KANSL1L: variants seen among roughly 807,000 people sequenced by gnomAD.
KANSL1L encodes the protein KAT8 regulatory NSL complex subunit 1-like protein.
Under a neutral mutation model 108.6 loss-of-function variants are expected in KANSL1L, and 25 were observed. That is an observed-to-expected ratio of 0.23 (90% CI 0.17 to 0.32). The LOEUF is 0.32. KANSL1L is among the 10% of genes least tolerant of loss of function. The pLI, the probability that KANSL1L is intolerant of heterozygous loss-of-function variation, is 1.00. For missense variants in KANSL1L, 1,137 were observed against 1,125.7 expected, an observed-to-expected ratio of 1.01 and a Z score of -0.14; for synonymous variants, 405 against 395.1, an observed-to-expected ratio of 1.03 and a Z score of -0.30.
chr2:210,028,073 C>T (rs1400948461), intron 11 of KANSL1L, among the ~76,000 whole-genome samples: 4 of 152,186 alleles, frequency 2.6e-5, no homozygotes, highest in Non-Finnish European at 4.4e-5. Context: ...TCTTAAGAAG[C>T]TGCATTCATG....
chr2:210,101,926 G>C (rs989433234), intron 4 of KANSL1L, among the ~76,000 whole-genome samples: 1 of 152,172 alleles, frequency 6.6e-6, no homozygotes, highest in African/African-American at 2.4e-5. Context: ...TAATTTCCCA[G>C]AGGAACAATG....
At chr2:210,039,021 G>A (rs968878260) in intron 8 of KANSL1L, among the ~76,000 whole-genome samples, 42 of 151,842 alleles carry the variant, frequency 2.8e-4, no homozygotes, top group African/African-American at 1.0e-3. Flanking sequence ...ACCACCTTCT[G>A]TCTCTAGGCT....
chr2:210,072,798 C>A (rs2094516857), intron 6 of KANSL1L, among the ~76,000 whole-genome samples: 1 of 152,060 alleles, frequency 6.6e-6, no homozygotes, highest in South Asian at 2.1e-4. Flanking sequence ...ACTGGGGACC[C>A]CTGCTTTAAG....
intron 2 of KANSL1L, among the ~76,000 whole-genome samples, chr2:210,136,798 A>G (rs931879372): frequency 1.3e-5 from 2 of 152,340 alleles, no homozygotes; most frequent in Middle Eastern, 3.4e-3. Flanking sequence ...TAGGATAAAA[A>G]TTAAAACTAC....
intron 3 of KANSL1L, among the ~76,000 whole-genome samples, chr2:210,111,707 T>C (rs1413417848): frequency 6.6e-6 from 1 of 152,118 alleles, no homozygotes; most frequent in Non-Finnish European, 1.5e-5. Flanking sequence ...ACATCTTTTT[T>C]TTTCTTTTTT....
intron 2 of KANSL1L, among the ~76,000 whole-genome samples, chr2:210,135,821 A>C (rs2095168481): frequency 6.6e-6 from 1 of 152,182 alleles, no homozygotes; most frequent in Non-Finnish European, 1.5e-5. Context: ...AAAATATTTC[A>C]TGCTATTAGG....
rs1175398704 is a variant in KANSL1L, at chr2:210,022,902, C to A, written c.*47G>T. 1 of 1,315,874 alleles carries A rather than the reference C, an allele frequency of 7.6e-7. No homozygotes were observed. Among genetic ancestry groups the A allele is most frequent in the Admixed American group, 1.7e-5 (1 of 57,494 alleles). The allele number at this position is 1,315,874 out of a possible 1,614,324, so 81.5% of individuals were successfully genotyped here. A position where few individuals can be genotyped will look rare whatever the true frequency, so the allele number is the denominator to read the frequency against. On this transcript the variant is annotated 3_prime_UTR_variant, in exon 15 of 15. Transcript: ENST00000281772. ...GGGGATCCAGAACAGGGCTTTATTT[C>A]CTCCCATCTTTCCTACATTTACATA...
chr2:210,029,722 T>A, intron 10 of KANSL1L, 81 bp downstream of exon 10: 1 of 696,062 alleles, frequency 1.4e-6, no homozygotes, highest in Non-Finnish European at 2.5e-6. Context: ...TGTTATAGAT[T>A]AGCAAAATAT....
At chr2:210,141,764 G>C (rs1024694439) in intron 2 of KANSL1L, among the ~76,000 whole-genome samples, 1 of 152,138 alleles carries the variant, frequency 6.6e-6, no homozygotes, top group Non-Finnish European at 1.5e-5. Context: ...CTAATCTGTT[G>C]AGAGTCTGAA....
At chr2:210,160,023 G>A (rs1269319206) in intron 1 of KANSL1L, among the ~76,000 whole-genome samples, 3 of 152,154 alleles carry the variant, frequency 2.0e-5, no homozygotes, top group African/African-American at 4.8e-5. Flanking sequence ...GTGACAGAGC[G>A]AGACTCCGTC....
Position 210,031,441 on chromosome 2 carries a change from T to C in KANSL1L, c.2135A>G (p.His712Arg). 6.2e-7 allele frequency: 1 copy of C among 1,600,812 alleles called. No homozygotes were observed. Among genetic ancestry groups the C allele is most frequent in the Non-Finnish European group, 8.6e-7 (1 of 1,169,554 alleles). ...CCTACCTAATGCTGTTTCACTCAAATGTCTTTTCTTTCTTCCCTGTAACAG... is the reference window on the plus strand; with the variant it reads ...CCTACCTAATGCTGTTTCACTCAAACGTCTTTTCTTTCTTCCCTGTAACAG... Reference protein sequence around the residue: ...AQLLQGRKKRHLSETALGERT... With the variant: ...AQLLQGRKKRRLSETALGERT... The change falls in exon 9 of 15, where the codon CAT becomes CGT. Residue 712 changes from histidine to arginine, a missense_variant. Coordinates refer to ENST00000281772, the MANE Select transcript of KANSL1L (RefSeq NM_152519.4).
At chr2:210,114,664 G>C (rs1432873605) in intron 3 of KANSL1L, among the ~76,000 whole-genome samples, 1 of 151,856 alleles carries the variant, frequency 6.6e-6, no homozygotes, top group Non-Finnish European at 1.5e-5. Flanking sequence ...CTAGACTTGT[G>C]GTAACTTTGG....
At chr2:210,099,039 T>C (rs1024833212) in intron 4 of KANSL1L, among the ~76,000 whole-genome samples, 7 of 151,892 alleles carry the variant, frequency 4.6e-5, no homozygotes, top group Non-Finnish European at 7.4e-5. Context: ...AACTGGAAAA[T>C]ATAGAGACAT....
At chr2:210,063,565 C>T (rs1364954909) in intron 6 of KANSL1L, among the ~76,000 whole-genome samples, 1 of 152,206 alleles carries the variant, frequency 6.6e-6, no homozygotes, top group Non-Finnish European at 1.5e-5. Context: ...CATGGGAGCC[C>T]ACCTCTTGCA....
chr2:210,060,656 G>C (rs902253326), intron 6 of KANSL1L, among the ~76,000 whole-genome samples: 4 of 152,204 alleles, frequency 2.6e-5, no homozygotes, highest in African/African-American at 9.7e-5. Context: ...CAGCTTACCA[G>C]AGATTAGCAG....
intron 2 of KANSL1L, chr2:210,152,502 C>G (rs1200990469): frequency 6.6e-6 from 1 of 152,164 alleles, no homozygotes; most frequent in African/African-American, 2.4e-5. Context: ...AACTATTTTT[C>G]TCTGCTTTTT....
chr2:210,149,436 T>G (rs1249812046), intron 2 of KANSL1L, among the ~76,000 whole-genome samples: 1 of 152,150 alleles, frequency 6.6e-6, no homozygotes, highest in Non-Finnish European at 1.5e-5. Context: ...AATGAAAATT[T>G]GTGTTAGCAC....
intron 3 of KANSL1L, among the ~76,000 whole-genome samples, chr2:210,124,318 A>G (rs766006847): frequency 1.2e-4 from 19 of 152,184 alleles, no homozygotes; most frequent in Non-Finnish European, 2.4e-4. Flanking sequence ...TCCAACCACA[A>G]TGAAATGAAG....
At chr2:210,080,506 C>T (rs1382143758) in intron 5 of KANSL1L, among the ~76,000 whole-genome samples, 1 of 152,050 alleles carries the variant, frequency 6.6e-6, no homozygotes, top group African/African-American at 2.4e-5. Context: ...GCCTGGGCAA[C>T]AAAGCGAGAC....
Sources: gnomAD v4.1 joint callset for allele counts (sites outside exome capture counted in the v4.1 genomes callset) on GRCh38, gnomAD v4.1.1 for gene constraint, MANE v1.5 for transcripts, NCBI Gene and HGNC (gene_info 2026-07-23, HGNC 2026-07-21) for gene names.